The following PKNOX2 variants were observed in gnomAD, a reference collection of about 807,000 sequenced individuals.
The protein encoded by PKNOX2 is PBX/knotted 1 homeobox 2, also known as homeobox protein PKNOX2.
In PKNOX2, 14 loss-of-function variants were observed where a neutral mutation model predicts 53.1. The observed-to-expected ratio is 0.26, with a 90% CI of 0.17 to 0.41. The LOEUF is 0.41. Ranked by LOEUF, PKNOX2 falls within the 10% of genes least tolerant of loss-of-function variation. The probability of loss-of-function intolerance (pLI) is 1.00; values close to 1 mark genes in which losing one functional copy is unlikely to be tolerated. For synonymous variants in PKNOX2, 257 were observed against 242.8 expected (o/e 1.06, Z -0.54); for missense variants, 496 against 602.8 (o/e 0.82, Z 1.85).
At chr11:125,216,276 G>A (rs1377441654) in intron 1 of PKNOX2, among the ~76,000 whole-genome samples, 2 of 152,200 alleles carry the variant, frequency 1.3e-5, no homozygotes, top group Non-Finnish European at 2.9e-5. Context: ...AGGGGTCTGA[G>A]CTGTGGTTTC....
intron 1 of PKNOX2, among the ~76,000 whole-genome samples, chr11:125,170,989 G>T (rs566153323): frequency 6.7e-6 from 1 of 148,700 alleles, no homozygotes; most frequent in East Asian, 2.0e-4. Flanking sequence ...TGGGGTGGAG[G>T]AGGAGCCAGA....
At chr11:125,233,267 C>G (rs892083492) in intron 1 of PKNOX2, among the ~76,000 whole-genome samples, 1 of 152,176 alleles carries the variant, frequency 6.6e-6, no homozygotes, top group Non-Finnish European at 1.5e-5. Context: ...TCTTTCAAGT[C>G]ACAGGTGTCT....
At chr11:125,303,550 AGACTCATG>A in intron 2 of PKNOX2, among the ~76,000 whole-genome samples, 1 of 152,306 alleles carries the variant, frequency 6.6e-6, no homozygotes, top group East Asian at 1.9e-4. Context: ...CAGGGAGTTC[AGACTCATG>A]GCCTTGGAGA....
At chr11:125,399,003 C>T (rs1443916241) in intron 7 of PKNOX2, among the ~76,000 whole-genome samples, 1 of 152,212 alleles carries the variant, frequency 6.6e-6, no homozygotes, top group East Asian at 1.9e-4. Flanking sequence ...CCCTAGACCC[C>T]TAAGGAACCA....
At chr11:125,359,519 T>C (rs1951808250) in intron 4 of PKNOX2, among the ~76,000 whole-genome samples, 1 of 152,222 alleles carries the variant, frequency 6.6e-6, no homozygotes, top group Non-Finnish European at 1.5e-5. Context: ...GGCCCAGGTC[T>C]GGAGCGCCCT....
chr11:125,286,947 G>A (rs1946945092), intron 2 of PKNOX2, among the ~76,000 whole-genome samples: 1 of 152,212 alleles, frequency 6.6e-6, no homozygotes, highest in South Asian at 2.1e-4. Flanking sequence ...AAGCGTTGCT[G>A]ATCCTTTCAC....
intron 1 of PKNOX2, among the ~76,000 whole-genome samples, chr11:125,217,710 G>A (rs1377550414): frequency 6.6e-6 from 1 of 152,126 alleles, no homozygotes; most frequent in African/African-American, 2.4e-5. Context: ...TACTTTGCAT[G>A]GACTTTTCCT....
intron 1 of PKNOX2, among the ~76,000 whole-genome samples, chr11:125,191,992 A>G (rs561475030): frequency 1.3e-5 from 2 of 152,280 alleles, no homozygotes; most frequent in South Asian, 2.1e-4. Context: ...GTAATTGTGC[A>G]TTACATGGCT....
At chr11:125,250,237 C>T (rs559383886) in intron 2 of PKNOX2, among the ~76,000 whole-genome samples, 2 of 151,136 alleles carry the variant, frequency 1.3e-5, no homozygotes, top group East Asian at 3.9e-4. Context: ...ATTTGAGGTC[C>T]TTCACCTCAA....
intron 2 of PKNOX2, among the ~76,000 whole-genome samples, chr11:125,281,810 A>G (rs770788751): frequency 1.3e-5 from 2 of 152,078 alleles, no homozygotes; most frequent in Non-Finnish European, 2.9e-5. Flanking sequence ...GTTTTCTTGA[A>G]CTCTTAAGAA....
At chr11:125,344,488 G>A (rs1462021839) in intron 3 of PKNOX2, among the ~76,000 whole-genome samples, 1 of 152,012 alleles carries the variant, frequency 6.6e-6, no homozygotes, top group Non-Finnish European at 1.5e-5. Flanking sequence ...GATTGAGGGA[G>A]AGAGATCTGC....
At chr11:125,190,220 G>A (rs1001071681) in intron 1 of PKNOX2, among the ~76,000 whole-genome samples, 1 of 152,070 alleles carries the variant, frequency 6.6e-6, no homozygotes, top group Non-Finnish European at 1.5e-5. Context: ...CACTGCGCCT[G>A]GCCTTCTCTT....
chr11:125,398,333 C>T (rs970500560), intron 7 of PKNOX2, among the ~76,000 whole-genome samples: 2 of 152,216 alleles, frequency 1.3e-5, no homozygotes, highest in African/African-American at 4.8e-5. Flanking sequence ...TCCTGGCTTC[C>T]TGGCCCAAGG....
chr11:125,404,907 A>G (rs1208907240), intron 7 of PKNOX2, among the ~76,000 whole-genome samples: 1 of 152,158 alleles, frequency 6.6e-6, no homozygotes, highest in Non-Finnish European at 1.5e-5. Context: ...TGCCCTGGAG[A>G]GGTCAGGACA....
At chr11:125,300,888 G>C (rs903879824) in intron 2 of PKNOX2, among the ~76,000 whole-genome samples, 2 of 152,160 alleles carry the variant, frequency 1.3e-5, no homozygotes, top group African/African-American at 4.8e-5. Flanking sequence ...ATATTTTTTA[G>C]ATGACTCAGA....
chr11:125,343,067 G>T (rs975333050), intron 3 of PKNOX2, among the ~76,000 whole-genome samples: 4 of 151,994 alleles, frequency 2.6e-5, no homozygotes, highest in Admixed American at 2.6e-4. Context: ...GAGGGAGTTG[G>T]CTCAGAGCAC....
chr11:125,255,047 G>C (rs541094845), intron 2 of PKNOX2, among the ~76,000 whole-genome samples: 3 of 152,308 alleles, frequency 2.0e-5, no homozygotes, highest in African/African-American at 7.2e-5. Flanking sequence ...TGTCCTTTCA[G>C]GGTTTGCTGT....
chr11:125,206,420 CA>C (rs1939118398), intron 1 of PKNOX2, among the ~76,000 whole-genome samples: 1 of 151,980 alleles, frequency 6.6e-6, no homozygotes, highest in Admixed American at 6.5e-5. Flanking sequence ...GGTGTGTGTG[CA>C]AAAAGTAAGC....
At chr11:125,199,776 G>A (rs1007495984) in intron 1 of PKNOX2, among the ~76,000 whole-genome samples, 3 of 152,238 alleles carry the variant, frequency 2.0e-5, no homozygotes, top group Non-Finnish European at 2.9e-5. Context: ...GAACCCAGGC[G>A]GTGGAGGTTG....
Sources: gnomAD v4.1 joint callset for allele counts (sites outside exome capture counted in the v4.1 genomes callset) on GRCh38, gnomAD v4.1.1 for gene constraint, MANE v1.5 for transcripts, NCBI Gene and HGNC (gene_info 2026-07-23, HGNC 2026-07-21) for gene names.